Variants in AFF3 observed in about 807,000 individuals in gnomAD.
AFF3 encodes AF4/FMR2 family member 3.
In AFF3, 32 loss-of-function variants were observed where a neutral mutation model predicts 129.7. That is an observed-to-expected ratio of 0.25 (90% CI 0.19 to 0.33). The LOEUF (loss-of-function observed/expected upper bound fraction) is 0.33. Among genes scored for constraint, AFF3 ranks in the 10% least tolerant of loss-of-function variants. The pLI is 1.00. For missense variants in AFF3, 1,373 were observed against 1,592.0 expected, an observed-to-expected ratio of 0.86 and a Z score of 2.34; for synonymous variants, 644 against 635.4, an observed-to-expected ratio of 1.01 and a Z score of -0.20.
chr2:99,733,059 T>A (rs944773877), intron 10 of AFF3, among the ~76,000 whole-genome samples: 1 of 152,136 alleles, frequency 6.6e-6, no homozygotes, highest in South Asian at 2.1e-4. Flanking sequence ...TAGTCGTGTG[T>A]GTGTGCGTGT....
chr2:99,765,242 C>A (rs1189646105), intron 8 of AFF3, among the ~76,000 whole-genome samples: 1 of 152,148 alleles, frequency 6.6e-6, no homozygotes. Context: ...TTCATATATA[C>A]TTAAAGGAAA....
intron 7 of AFF3, among the ~76,000 whole-genome samples, chr2:100,001,958 A>G (rs779776028): frequency 2.0e-5 from 3 of 152,206 alleles, no homozygotes; most frequent in Non-Finnish European, 4.4e-5. Context: ...CATCGAGCAG[A>G]CAGGAGGAAG....
At position 100,103,568 on chromosome 2, in the gene AFF3, A is replaced by G. The variant is rs1189234066; in HGVS notation, c.53+834T>C. On this transcript the variant is annotated intron_variant, in intron 4 of 24. Coordinates refer to ENST00000672756, the MANE Select transcript of AFF3 (RefSeq NM_001386135.1). ...GAATAAGACAGATACTAAAGCAGCCAATGGGATTTTTAAGACACCCGCAAC... is the reference window on the plus strand; with the variant it reads ...GAATAAGACAGATACTAAAGCAGCCGATGGGATTTTTAAGACACCCGCAAC... Among the ~76,000 whole-genome samples, 25 of 151,398 alleles carry G rather than the reference A, an allele frequency of 1.7e-4. No homozygotes were observed. The East Asian group carries it at 4.9e-3, about 30-fold the overall frequency.
rs548877709 is a variant in AFF3, at chr2:99,676,394, G to A, written c.1092-3805C>T. ...GTGCTACAGGGGGCTGTGGACCGTG[G>A]TAGTCAGAGCAGGGACTCCAGCGTC... On this transcript the variant is annotated intron_variant, in intron 11 of 24. Coordinates refer to ENST00000672756, the MANE Select transcript of AFF3 (RefSeq NM_001386135.1). 3.3e-5 allele frequency among the ~76,000 whole-genome samples: 5 copies of A among 152,276 alleles called. No homozygotes were observed. In the East Asian group the frequency reaches 7.7e-4, roughly 24 times the overall value.
chr2:99,895,867 G>A (rs904918694), intron 7 of AFF3, among the ~76,000 whole-genome samples: 3 of 151,964 alleles, frequency 2.0e-5, no homozygotes, highest in Non-Finnish European at 2.9e-5. Flanking sequence ...TCAGGAGTTC[G>A]AGACCAGCCT....
Position 99,970,753 on chromosome 2 carries a change from C to G in AFF3, c.873+35879G>C, listed in dbSNP as rs555030606. On this transcript the variant is annotated intron_variant, in intron 7 of 24. Transcript: ENST00000672756. Reference sequence around the variant, plus strand: ...GGCTTTGACGTGGAGTTCTTAGCCTCCTGCTCTTTCTTCTCTATGTCTCCT... The same window carrying G: ...GGCTTTGACGTGGAGTTCTTAGCCTGCTGCTCTTTCTTCTCTATGTCTCCT... 5.9e-5 allele frequency among the ~76,000 whole-genome samples: 9 copies of G among 152,300 alleles called. No individual in the cohort carries two copies. The East Asian group carries it at 1.6e-3, about 26-fold the overall frequency.
chr2:99,846,095 G>A (rs1689699737), intron 7 of AFF3, among the ~76,000 whole-genome samples: 1 of 151,812 alleles, frequency 6.6e-6, no homozygotes, highest in South Asian at 2.1e-4. Context: ...GCCTCCCAAA[G>A]TGCTGGGATT....
chr2:99,573,758 G>A (rs1676726075), intron 18 of AFF3, among the ~76,000 whole-genome samples: 1 of 152,184 alleles, frequency 6.6e-6, no homozygotes, highest in South Asian at 2.1e-4. Flanking sequence ...CAGGTAGCCG[G>A]GCTCCTGTTA....
chr2:99,743,191 C>T (rs1234142605), intron 10 of AFF3, among the ~76,000 whole-genome samples: 2 of 152,176 alleles, frequency 1.3e-5, no homozygotes, highest in Admixed American at 1.3e-4. Flanking sequence ...ATATTGCCTC[C>T]GCACCACTGT....
chr2:99,964,042 T>C (rs1677491856), intron 7 of AFF3, among the ~76,000 whole-genome samples: 1 of 151,914 alleles, frequency 6.6e-6, no homozygotes. Flanking sequence ...TGTGACATGA[T>C]CATAAAACAA....
intron 18 of AFF3, among the ~76,000 whole-genome samples, chr2:99,575,414 A>ATTTTTTTTTTTTTTTTTTT (rs540441950): frequency 1.3e-4 from 17 of 127,452 alleles, no homozygotes; most frequent in African/African-American, 4.0e-4. Flanking sequence ...TGCCTGGCTA[A>ATTTTTTTTTTTTTTTTTTT]TTTTTTTTTT....
intron 4 of AFF3, among the ~76,000 whole-genome samples, chr2:100,081,768 T>C (rs1279750511): frequency 3.3e-5 from 5 of 152,218 alleles, no homozygotes; most frequent in Non-Finnish European, 7.3e-5. Flanking sequence ...GCTGTGAAAA[T>C]TCATTTAATT....
chr2:99,820,341 G>C (rs1687560236), intron 8 of AFF3, among the ~76,000 whole-genome samples: 2 of 152,088 alleles, frequency 1.3e-5, no homozygotes, highest in Non-Finnish European at 2.9e-5. Context: ...TTGTGTATCT[G>C]AACATACCGA....
intron 7 of AFF3, among the ~76,000 whole-genome samples, chr2:99,958,706 A>G (rs1333464279): frequency 6.6e-6 from 1 of 152,008 alleles, no homozygotes; most frequent in South Asian, 2.1e-4. Context: ...CTGAGGAAAC[A>G]CACAGTATTA....
At chr2:100,042,046 CCCCACACCAT>C (rs1255917832) in intron 4 of AFF3, among the ~76,000 whole-genome samples, 1 of 152,146 alleles carries the variant, frequency 6.6e-6, no homozygotes, top group Non-Finnish European at 1.5e-5. Context: ...TCTCTACCAC[CCCCACACCAT>C]CCCAACCTCT....
At chr2:100,103,613 G>C (rs1178008170) in intron 4 of AFF3, among the ~76,000 whole-genome samples, 1 of 151,866 alleles carries the variant, frequency 6.6e-6, no homozygotes, top group Non-Finnish European at 1.5e-5. Flanking sequence ...ACTGCTTCCA[G>C]CGGCGATTTA....
chr2:100,078,605 C>A (rs1469511387), intron 4 of AFF3, among the ~76,000 whole-genome samples: 2 of 152,096 alleles, frequency 1.3e-5, no homozygotes, highest in Non-Finnish European at 2.9e-5. Context: ...AGAACAGGCT[C>A]ATTCAGCTGT....
intron 4 of AFF3, among the ~76,000 whole-genome samples, chr2:100,084,648 G>A (rs1422412657): frequency 2.6e-5 from 4 of 151,684 alleles, no homozygotes; most frequent in African/African-American, 4.8e-5. Context: ...AAATGTGCAC[G>A]TATTATGCAT....
chr2:100,098,894 C>T (rs1484302304), intron 4 of AFF3, among the ~76,000 whole-genome samples: 1 of 118,188 alleles, frequency 8.5e-6, no homozygotes, highest in African/African-American at 3.6e-5. Flanking sequence ...TGCTTCCCAT[C>T]GAGGCCCCCT....
Sources: gnomAD v4.1 joint callset for allele counts (sites outside exome capture counted in the v4.1 genomes callset) on GRCh38, gnomAD v4.1.1 for gene constraint, MANE v1.5 for transcripts, NCBI Gene and HGNC (gene_info 2026-07-23, HGNC 2026-07-21) for gene names.